GEM: variants seen among roughly 807,000 people sequenced by gnomAD.
GEM encodes the protein GTP binding protein overexpressed in skeletal muscle, also known as GTP-binding protein GEM.
Under a neutral mutation model 33.0 loss-of-function variants are expected in GEM, and 31 were observed. The observed-to-expected ratio is 0.94, with a 90% confidence interval of 0.71 to 1.27. The LOEUF (loss-of-function observed/expected upper bound fraction) is 1.27, where lower values mean the gene tolerates loss of function less well. Ranked by LOEUF, GEM falls within the 50% of genes most tolerant of loss-of-function variation. The pLI is 0.00. For synonymous variants in GEM, 141 were observed against 143.7 expected (o/e 0.98, Z 0.13); for missense variants, 354 against 390.5 (o/e 0.91, Z 0.79).
chr8:94,250,010 T>C lies in GEM; in HGVS notation c.*300A>G. ...AAAAGTTCTTGTTCTAGGCATTCTT[T>C]GTAAGCTTTACTTCTCTACTATCCA... On this transcript the variant is annotated 3_prime_UTR_variant, in exon 5 of 5. Transcript: ENST00000297596. 3.3e-6 allele frequency: 1 copy of C among 303,714 alleles called. No homozygotes were observed. The highest frequency in any genetic ancestry group is 4.9e-5 in the Admixed American group (1 of 20,394). The allele number at this position is 303,714 out of a possible 1,614,324, so 18.8% of individuals were successfully genotyped here.
At position 94,260,253 on chromosome 8, in the gene GEM, T is replaced by C. The variant is rs201303048; in HGVS notation, c.251A>G (p.Gln84Arg). The change falls in exon 2 of 5, where the codon CAG becomes CGG. Residue 84 changes from glutamine (Q) to arginine (R), a missense_variant. Physicochemically the swap from Gln to Arg is conservative, Grantham distance 43. Transcript: ENST00000297596. ...GGCCAGAGTGGACTTGCCCACCCCC[T>C]GCTCCCCTATGAGCACCACTCGGTA... ...TYYRVVLIGE[Q>R]GVGKSTLANI... The C allele has an allele frequency of 1.5e-5, 24 of 1,613,802 alleles. No individual in the cohort carries two copies. Among genetic ancestry groups the C allele is most frequent in the Non-Finnish European group, 2.0e-5 (24 of 1,179,662 alleles).
intron 2 of GEM, 81 bp downstream of exon 2, chr8:94,260,092 G>C (rs1405815659): frequency 1.1e-6 from 1 of 889,950 alleles, no homozygotes; most frequent in Admixed American, 2.1e-5. Context: ...CAACTCTGTG[G>C]GTAAATAAGT....
Position 94,260,366 on chromosome 8 carries a change from A to C in GEM, c.138T>G (p.His46Gln). The C allele has an allele frequency of 1.9e-6, 3 of 1,614,134 alleles. No homozygotes were observed. The highest frequency in any genetic ancestry group is 2.5e-6 in the Non-Finnish European group (3 of 1,180,010). Residue 46 changes from histidine (H) to glutamine (Q), a missense_variant, in exon 2 of 5, where the codon CAT becomes CAG. Coordinates refer to ENST00000297596, the MANE Select transcript of GEM (RefSeq NM_005261.4). ...GGCAGTGGTCCTCAGGGGTAGCAGA[A>C]TGGCGGTTGCGGTGGCTGTACTGGT... is the stretch of plus-strand genomic sequence containing the variant. ...EPHQYSHRNR[H>Q]SATPEDHCRR...
intron 4 of GEM, among the ~76,000 whole-genome samples, chr8:94,251,165 AAAAT>A (rs1271661429): frequency 6.6e-6 from 1 of 152,232 alleles, no homozygotes; most frequent in Non-Finnish European, 1.5e-5. Context: ...AATAAAAATA[AAAAT>A]AAAGCAATAA....
In GEM at chr8:94,252,316, A is replaced by G. The variant is rs1031121574; in HGVS notation, c.409-93T>C. ...AAACAATATGTGTATCCTAAAGTAC[A>G]CTTGCTGATAGGAAAAATAGGAAAA... On this transcript the variant is annotated intron_variant, in intron 3 of 4. Coordinates refer to ENST00000297596, the MANE Select transcript of GEM (RefSeq NM_005261.4). 10 of 840,976 alleles carry G rather than the reference A, an allele frequency of 1.2e-5. No individual in the cohort carries two copies. The African/African-American group carries it at 1.3e-4, about 11-fold the overall frequency. 52.1% of individuals were successfully genotyped at this position (840,976 alleles called of 1,614,324 possible).
rs758312817 is a variant in GEM at position 94,260,192 on chromosome 8, G to A, written c.312C>T (p.Ser104=). The A allele has an allele frequency of 3.6e-5, 57 of 1,588,820 alleles. No individual in the cohort carries two copies. Among genetic ancestry groups the A allele is most frequent in the South Asian group, 1.4e-4 (13 of 90,510 alleles). ...IFAGVHDSMD[S]DCEVLGEDTY... ...ACCTACCTCCCAGCACCTCGCAGTC[G>A]CTGTCCATGCTGTCATGCACACCTG... The change falls in exon 2 of 5, where the codon AGC becomes AGT. Residue 104 remains serine (S), a synonymous_variant. Coordinates refer to ENST00000297596, the MANE Select transcript of GEM (RefSeq NM_005261.4).
chr8:94,250,637 T>TA, intron 4 of GEM, 50 bp from the exon 5 acceptor site: 1 of 1,448,314 alleles, frequency 6.9e-7, no homozygotes. Context: ...CAGTCCCACA[T>TA]AGCACACAGT....
intron 2 of GEM, chr8:94,259,947 C>T: frequency 2.1e-6 from 1 of 476,814 alleles, no homozygotes; most frequent in Non-Finnish European, 3.7e-6. Flanking sequence ...TGAAGAATTC[C>T]CTTTCTGGCC....
intron 2 of GEM, among the ~76,000 whole-genome samples, chr8:94,257,160 A>AT (rs1033351038): frequency 1.5e-4 from 22 of 151,434 alleles, no homozygotes; most frequent in African/African-American, 5.1e-4. Context: ...TATTTATTTT[A>AT]TTTTATTTTT....
chr8:94,260,648 T>A, intron 1 of GEM, 136 bp from the exon 2 acceptor site: 1 of 605,904 alleles, frequency 1.7e-6, no homozygotes, highest in Non-Finnish European at 2.9e-6. Context: ...GACCACCAAT[T>A]AAACAGTCCC....
rs1808815520 is a variant in GEM at position 94,253,183 on chromosome 8, G to C, written c.332-71C>G. On this transcript the variant is annotated intron_variant, in intron 2 of 4. Coordinates refer to ENST00000297596, the MANE Select transcript of GEM (RefSeq NM_005261.4). Reference sequence around the variant, plus strand: ...CACTTCTCCATAAGAGGGTCAGGTAGAAAATTGTGCTAGAACATAAACTTA... The same window carrying C: ...CACTTCTCCATAAGAGGGTCAGGTACAAAATTGTGCTAGAACATAAACTTA... 3.7e-6 allele frequency: 3 copies of C among 811,966 alleles called. No homozygotes were observed. The African/African-American group carries it at 5.1e-5, about 14-fold the overall frequency. The allele number at this position is 811,966 out of a possible 1,614,324, so 50.3% of individuals were successfully genotyped here.
At position 94,250,111 on chromosome 8, in the gene GEM, T is replaced by C. The variant is rs1808726674; in HGVS notation, c.*199A>G. The C allele has an allele frequency of 1.7e-6, 1 of 575,562 alleles. No homozygotes were observed. Among genetic ancestry groups the C allele is most frequent in the Non-Finnish European group, 3.0e-6 (1 of 327,948 alleles). The allele number at this position is 575,562 out of a possible 1,614,324, so 35.7% of individuals were successfully genotyped here. ...GGTGTTCAAATAGCAAGGTCAGGCT[T>C]TTCCTGGAAATAAATACTGACTTTT... On this transcript the variant is annotated 3_prime_UTR_variant, in exon 5 of 5. Coordinates refer to ENST00000297596, the MANE Select transcript of GEM (RefSeq NM_005261.4).
At chr8:94,257,169 T>C (rs879609662) in intron 2 of GEM, among the ~76,000 whole-genome samples, 1 of 151,842 alleles carries the variant, frequency 6.6e-6, no homozygotes, top group African/African-American at 2.4e-5. Flanking sequence ...TATTTTATTT[T>C]TATTTTTATT....
At position 94,252,083 on chromosome 8, in the gene GEM, G is replaced by A; in HGVS notation, c.549C>T (p.Asp183=). ...IQLRRARQTE[D]IPIILVGNKS... is the part of the protein sequence containing the mutation. ...TGTTGCCAACCAAAATTATGGGAATGTCCTCTGTCTGCCGGGCCCTGCGGA... is the reference window on the plus strand; with the variant it reads ...TGTTGCCAACCAAAATTATGGGAATATCCTCTGTCTGCCGGGCCCTGCGGA... Residue 183 remains aspartate, a synonymous_variant, in exon 4 of 5, where the codon GAC becomes GAT. Coordinates refer to ENST00000297596, the MANE Select transcript of GEM (RefSeq NM_005261.4). 6.2e-7 allele frequency: 1 copy of A among 1,614,124 alleles called. No individual in the cohort carries two copies. Among genetic ancestry groups the A allele is most frequent in the Non-Finnish European group, 8.5e-7 (1 of 1,179,990 alleles).
Position 94,252,149 on chromosome 8 carries a change from G to C in GEM, c.483C>G (p.Asp161Glu), listed in dbSNP as rs777669807. 6.2e-7 allele frequency: 1 copy of C among 1,613,226 alleles called. No homozygotes were observed. Among genetic ancestry groups the C allele is most frequent in the Non-Finnish European group, 8.5e-7 (1 of 1,179,320 alleles). ...CAGATGCCTTCTCGAAGCTCGCTCG[G>C]TCTGTGATTGAGTAGACAATCAGGT... Reference protein sequence around the residue: ...DAYLIVYSITDRASFEKASEL... With the variant: ...DAYLIVYSITERASFEKASEL... Residue 161 changes from aspartate (D) to glutamate (E), a missense_variant, in exon 4 of 5, where the codon GAC becomes GAG. Transcript: ENST00000297596.
chr8:94,259,182 C>T lies in GEM; in HGVS notation c.331+991G>A, dbSNP rs182571923. On this transcript the variant is annotated intron_variant, in intron 2 of 4. Coordinates refer to ENST00000297596, the MANE Select transcript of GEM (RefSeq NM_005261.4). ...GGCAGTGAACTCCTTGACACTGAGA[C>T]AATCAAGAAGAATAAAACCTCCAGA... Among the ~76,000 whole-genome samples the T allele has an allele frequency of 4.6e-5, 7 of 152,222 alleles. No homozygotes were observed. The East Asian group carries it at 1.4e-3, about 29-fold the overall frequency.
At chr8:94,260,703 G>T (rs942404228) in intron 1 of GEM, 191 bp from the exon 2 acceptor site, 15 of 548,232 alleles carry the variant, frequency 2.7e-5, no homozygotes, top group Admixed American at 1.6e-4. Flanking sequence ...CACACATGCT[G>T]CCCACACTGT....
At position 94,250,523 on chromosome 8, in the gene GEM, G is replaced by T; in HGVS notation, c.678C>A (p.His226Gln). The change falls in exon 5 of 5, where the codon CAC becomes CAA. Residue 226 changes from histidine (H) to glutamine (Q), a missense_variant. By Grantham distance (24) the His-to-Gln change is conservative. Coordinates refer to ENST00000297596, the MANE Select transcript of GEM (RefSeq NM_005261.4). ...TGCCCTCAAACAGCTCCTTCACGTT[G>T]TGCTGGACAGCTGCAGAGGTCTCGA... The part of the protein sequence containing the change: ...KFIETSAAVQ[H>Q]NVKELFEGIV... The T allele has an allele frequency of 6.2e-7, 1 of 1,614,166 alleles. No homozygotes were observed. The highest frequency in any genetic ancestry group is 8.5e-7 in the Non-Finnish European group (1 of 1,179,974).
At chr8:94,259,821 A>G (rs955026144) in intron 2 of GEM, 51 of 214,238 alleles carry the variant, frequency 2.4e-4, no homozygotes, top group Non-Finnish European at 4.0e-4. Context: ...GGCTGTGTCT[A>G]TACTGAGTTC....
Sources: gnomAD v4.1 joint callset for allele counts (sites outside exome capture counted in the v4.1 genomes callset) on GRCh38, gnomAD v4.1.1 for gene constraint, MANE v1.5 for transcripts, NCBI Gene and HGNC (gene_info 2026-07-23, HGNC 2026-07-21) for gene names.